RGS7: variants seen among roughly 807,000 people sequenced by gnomAD.
RGS7 encodes the protein regulator of G protein signaling 7, also known as regulator of G-protein signaling 7.
Under a neutral mutation model 81.1 loss-of-function variants are expected in RGS7, and 27 were observed. The observed-to-expected ratio is 0.33, with a 90% CI of 0.25 to 0.46. The LOEUF is 0.46. RGS7 is among the 20% of genes least tolerant of loss of function. The probability of loss-of-function intolerance (pLI) is 1.00; values close to 1 mark genes in which losing one functional copy is unlikely to be tolerated. For missense variants in RGS7, 396 were observed against 607.4 expected, an observed-to-expected ratio of 0.65 and a Z score of 3.66; for synonymous variants, 208 against 207.7, an observed-to-expected ratio of 1.00 and a Z score of -0.01.
At chr1:240,891,083 G>T (rs750423656) in intron 6 of RGS7, among the ~76,000 whole-genome samples, 17 of 152,140 alleles carry the variant, frequency 1.1e-4, no homozygotes, top group Non-Finnish European at 1.9e-4. Context: ...AAGAAACAGT[G>T]GCTTTAACTT....
chr1:241,198,059 A>G (rs995114097), intron 2 of RGS7, among the ~76,000 whole-genome samples: 1 of 151,998 alleles, frequency 6.6e-6, no homozygotes, highest in African/African-American at 2.4e-5. Context: ...GGGTAAGAAA[A>G]ATAAGTAGAA....
At chr1:241,220,931 A>G (rs1016262863) in intron 2 of RGS7, among the ~76,000 whole-genome samples, 6 of 146,582 alleles carry the variant, frequency 4.1e-5, no homozygotes, top group African/African-American at 7.5e-5. Context: ...AGAAAGGAAG[A>G]AAGGAAGGAA....
intron 9 of RGS7, among the ~76,000 whole-genome samples, chr1:240,851,811 A>C (rs1204247006): frequency 6.6e-6 from 1 of 152,202 alleles, no homozygotes. Flanking sequence ...AAATAGCGAG[A>C]GAACTAGAAT....
chr1:241,078,357 T>C (rs1213023526), intron 3 of RGS7, among the ~76,000 whole-genome samples: 1 of 130,498 alleles, frequency 7.7e-6, no homozygotes, highest in African/African-American at 3.0e-5. Context: ...CATAAACTGA[T>C]ACTACAAAAG....
chr1:241,010,748 C>G (rs143582448), intron 3 of RGS7, among the ~76,000 whole-genome samples: 18 of 152,242 alleles, frequency 1.2e-4, no homozygotes, highest in African/African-American at 4.1e-4. Flanking sequence ...CACTAATTTC[C>G]TGCTGATCCT....
intron 4 of RGS7, among the ~76,000 whole-genome samples, chr1:240,966,084 C>T (rs967526621): frequency 6.6e-6 from 1 of 152,110 alleles, no homozygotes; most frequent in Admixed American, 6.5e-5. Flanking sequence ...AACCACCTAC[C>T]ATCTTTGTCT....
At chr1:240,827,022 A>G in intron 10 of RGS7, 76 bp downstream of exon 10, 1 of 1,162,362 alleles carries the variant, frequency 8.6e-7, no homozygotes, top group East Asian at 2.3e-5. Flanking sequence ...ACATGAGAAG[A>G]AAGTGTTTTT....
intron 9 of RGS7, among the ~76,000 whole-genome samples, chr1:240,851,120 T>C (rs1342319688): frequency 2.0e-5 from 3 of 152,196 alleles, no homozygotes; most frequent in African/African-American, 4.8e-5. Flanking sequence ...TCTAAGACTT[T>C]CATAGCTAGA....
At chr1:241,007,498 G>C (rs748475734) in intron 3 of RGS7, among the ~76,000 whole-genome samples, 1 of 152,138 alleles carries the variant, frequency 6.6e-6, no homozygotes, top group Non-Finnish European at 1.5e-5. Context: ...GACTGCATGG[G>C]AGTTGGTGCC....
intron 13 of RGS7, 141 bp from the exon 14 acceptor site, chr1:240,812,184 C>T (rs147480600): frequency 1.9e-4 from 154 of 821,120 alleles, no homozygotes; most frequent in South Asian, 2.8e-4. Flanking sequence ...ATCCGATTAA[C>T]GGCTCTGCAT....
In RGS7 at chr1:241,242,499, AG is replaced by A. The variant is rs377098326; in HGVS notation, c.78+113199del. Among the ~76,000 whole-genome samples, 49 of 152,302 alleles carry A rather than the reference AG, an allele frequency of 3.2e-4. No individual in the cohort carries two copies. The South Asian group carries it at 9.7e-3, about 30-fold the overall frequency. On this transcript the variant is annotated intron_variant, in intron 2 of 18. Transcript: ENST00000440928. ...TTCCTCTGGGTAGATAAGCAGTAGT[AG>A]GATTGCTGGATTCAATGGTAGTTCT...
chr1:241,245,805 T>A (rs554530794), intron 2 of RGS7, among the ~76,000 whole-genome samples: 280 of 144,554 alleles, frequency 1.9e-3, no homozygotes, highest in African/African-American at 7.1e-3. Context: ...AGACTCCACC[T>A]CAAAAAACAA....
At chr1:241,085,270 C>T (rs1485275364) in intron 3 of RGS7, among the ~76,000 whole-genome samples, 1 of 152,094 alleles carries the variant, frequency 6.6e-6, no homozygotes, top group East Asian at 1.9e-4. Context: ...TTGTAACATC[C>T]TGCTGGTTAA....
At chr1:241,102,127 C>T (rs1419587147) in intron 2 of RGS7, among the ~76,000 whole-genome samples, 1 of 152,160 alleles carries the variant, frequency 6.6e-6, no homozygotes, top group Admixed American at 6.5e-5. Context: ...ATGCATTCAG[C>T]TGTTTTTATC....
At chr1:240,866,623 G>A (rs1030724300) in intron 9 of RGS7, among the ~76,000 whole-genome samples, 1 of 152,154 alleles carries the variant, frequency 6.6e-6, no homozygotes, top group Non-Finnish European at 1.5e-5. Context: ...AGTGAAGGAT[G>A]TGGTGGAGGC....
At chr1:241,072,461 C>T (rs1048046940) in intron 3 of RGS7, among the ~76,000 whole-genome samples, 1 of 152,158 alleles carries the variant, frequency 6.6e-6, no homozygotes, top group African/African-American at 2.4e-5. Flanking sequence ...AGGCTCTTTC[C>T]CATCAACCTA....
At chr1:241,160,290 AAC>A (rs1170399569) in intron 2 of RGS7, among the ~76,000 whole-genome samples, 1 of 152,188 alleles carries the variant, frequency 6.6e-6, no homozygotes, top group Non-Finnish European at 1.5e-5. Context: ...CTTCATTCTC[AAC>A]AGTCCAAAGA....
chr1:240,793,586 A>AATATATATATATATATATATAT (rs777839011), intron 18 of RGS7, among the ~76,000 whole-genome samples: 34 of 102,292 alleles, frequency 3.3e-4, no homozygotes, highest in African/African-American at 6.2e-4. Flanking sequence ...GTGTAGTAGG[A>AATATATATATATATATATATAT]ATATATATAT....
At chr1:240,817,214 C>A (rs1158974296) in intron 10 of RGS7, among the ~76,000 whole-genome samples, 1 of 152,088 alleles carries the variant, frequency 6.6e-6, no homozygotes, top group African/African-American at 2.4e-5. Context: ...AAGGAAGAAG[C>A]CAAATTATTT....
Sources: allele counts gnomAD v4.1 joint callset (sites outside exome capture counted in the v4.1 genomes callset), GRCh38; gene constraint gnomAD v4.1.1; transcripts MANE v1.5; gene names NCBI Gene and HGNC (gene_info 2026-07-23, HGNC 2026-07-21).